Variants in STK32C observed in about 807,000 individuals in gnomAD.
The protein encoded by STK32C is serine/threonine-protein kinase 32C.
Under a neutral mutation model 56.5 loss-of-function variants are expected in STK32C, and 31 were observed. That is an observed-to-expected ratio of 0.55 (90% confidence interval 0.41 to 0.74). The LOEUF is 0.74. STK32C is among the 30% of genes least tolerant of loss of function. STK32C has a pLI of 0.00. For synonymous variants in STK32C, 309 were observed against 289.4 expected, an observed-to-expected ratio of 1.07 and a Z score of -0.69; for missense variants, 544 against 676.9, an observed-to-expected ratio of 0.80 and a Z score of 2.18.
intron 7 of STK32C, among the ~76,000 whole-genome samples, chr10:132,225,013 C>G (rs756241897): frequency 6.6e-6 from 1 of 152,248 alleles, no homozygotes; most frequent in Non-Finnish European, 1.5e-5. Flanking sequence ...CCTGCAGGCA[C>G]CAGCAGCGGC....
At chr10:132,277,392 A>G (rs189353582) in intron 1 of STK32C, among the ~76,000 whole-genome samples, 73 of 152,310 alleles carry the variant, frequency 4.8e-4, no homozygotes, top group Admixed American at 2.9e-3. Context: ...CTGGGACCAC[A>G]CCAGGGCCCT....
chr10:132,230,596 C>T (rs1411102381), intron 2 of STK32C, among the ~76,000 whole-genome samples: 1 of 151,776 alleles, frequency 6.6e-6, no homozygotes, highest in South Asian at 2.1e-4. Flanking sequence ...GTGGAAAATC[C>T]GGCCCTCACC....
chr10:132,262,758 A>C (rs966959820), intron 1 of STK32C, among the ~76,000 whole-genome samples: 57 of 151,590 alleles, frequency 3.8e-4, no homozygotes, highest in African/African-American at 1.3e-3. Flanking sequence ...CATCTCAAAA[A>C]AAAAAAAAAA....
intron 1 of STK32C, among the ~76,000 whole-genome samples, chr10:132,290,393 T>G (rs543067317): frequency 6.6e-6 from 1 of 152,334 alleles, no homozygotes; most frequent in South Asian, 2.1e-4. Flanking sequence ...AGAGCGAACA[T>G]AACCCGGCCC....
rs1352810134 is a variant in STK32C, at chr10:132,264,139, G to A, written c.263-18184C>T. Among the ~76,000 whole-genome samples the A allele has an allele frequency of 5.3e-5, 8 of 152,302 alleles. No homozygotes were observed. In the South Asian group the frequency reaches 1.7e-3, roughly 32 times the overall value. On this transcript the variant is annotated intron_variant, in intron 1 of 11. Coordinates refer to ENST00000298630, the MANE Select transcript of STK32C (RefSeq NM_173575.4). ...GAGTCTCCCTTAGGGCTGGTGAGGC[G>A]CCTGCAGTTAGATAGAGGTGGTGTG...
intron 1 of STK32C, among the ~76,000 whole-genome samples, chr10:132,283,109 C>T (rs1007912558): frequency 6.6e-6 from 1 of 152,242 alleles, no homozygotes; most frequent in South Asian, 2.1e-4. Flanking sequence ...CAGGGAGAGG[C>T]GTGTGCACCT....
intron 1 of STK32C, among the ~76,000 whole-genome samples, chr10:132,273,566 A>G (rs2064898668): frequency 1.3e-5 from 2 of 148,670 alleles, no homozygotes; most frequent in Non-Finnish European, 1.5e-5. Context: ...GCGAATGAAC[A>G]CATGGTGAGT....
chr10:132,266,091 G>A (rs1407194600), intron 1 of STK32C, among the ~76,000 whole-genome samples: 2 of 152,150 alleles, frequency 1.3e-5, no homozygotes, highest in Non-Finnish European at 2.9e-5. Context: ...TCCATCAAGA[G>A]GATAATGAAT....
intron 1 of STK32C, among the ~76,000 whole-genome samples, chr10:132,317,000 CAAAAA>C (rs71472739): frequency 2.4e-5 from 2 of 81,740 alleles, no homozygotes; most frequent in Non-Finnish European, 4.6e-5. Context: ...GACTCCATCT[CAAAAA>C]AAAAAAAAAA....
rs986709312 is a variant in STK32C at position 132,280,672 on chromosome 10, G to A, written c.262+26900C>T. On this transcript the variant is annotated intron_variant, in intron 1 of 11. Transcript: ENST00000298630. ...CTCCATGATCACCACACTCCACTCC[G>A]TGATCACGCACCTCCACTCCGTGAT... is the stretch of plus-strand genomic sequence containing the variant. Among the ~76,000 whole-genome samples the A allele has an allele frequency of 2.1e-3, 289 of 140,508 alleles. 2 individuals are homozygous for A. Among genetic ancestry groups the A allele is most frequent in the Non-Finnish European group, 3.7e-3 (245 of 65,646 alleles). The allele number at this position is 140,508 out of a possible 152,430, so 92.2% of individuals were successfully genotyped here.
At chr10:132,304,912 G>C (rs935702719) in intron 1 of STK32C, among the ~76,000 whole-genome samples, 6 of 152,326 alleles carry the variant, frequency 3.9e-5, no homozygotes, top group Admixed American at 3.3e-4. Flanking sequence ...CTAATGCCAC[G>C]TCAGGCTGGA....
chr10:132,220,369 C>T (rs2062598626), intron 10 of STK32C, among the ~76,000 whole-genome samples: 1 of 152,258 alleles, frequency 6.6e-6, no homozygotes, highest in Admixed American at 6.5e-5. Flanking sequence ...GCTTTGCTGA[C>T]ATCTTAACTT....
intron 1 of STK32C, among the ~76,000 whole-genome samples, chr10:132,263,968 G>A (rs2064402746): frequency 6.6e-6 from 1 of 152,154 alleles, no homozygotes; most frequent in Admixed American, 6.5e-5. Context: ...ATAGCGCCAG[G>A]TGAAGGCAGC....
intron 1 of STK32C, among the ~76,000 whole-genome samples, chr10:132,266,518 G>A (rs903072127): frequency 4.6e-5 from 7 of 152,178 alleles, no homozygotes; most frequent in African/African-American, 1.4e-4. Flanking sequence ...ATTCTGTAGT[G>A]GAAGCGTTTT....
intron 2 of STK32C, among the ~76,000 whole-genome samples, chr10:132,235,445 G>A (rs1412920020): frequency 5.7e-5 from 4 of 70,330 alleles, no homozygotes; most frequent in African/African-American, 9.5e-5. Flanking sequence ...GCAGTGAGCC[G>A]AGATTGCACC....
chr10:132,210,765 T>C (rs1209110813), intron 10 of STK32C, among the ~76,000 whole-genome samples: 1 of 152,146 alleles, frequency 6.6e-6, no homozygotes, highest in East Asian at 1.9e-4. Context: ...GCTCAACACA[T>C]TTCTTGGGTT....
intron 2 of STK32C, among the ~76,000 whole-genome samples, chr10:132,234,105 G>A (rs142936164): frequency 3.7e-4 from 56 of 152,282 alleles, no homozygotes; most frequent in African/African-American, 1.2e-3. Context: ...CTGTGGCCTC[G>A]TGGACTCTCC....
In STK32C at chr10:132,307,634, C is replaced by T. The variant is rs200198276; in HGVS notation, c.200G>A (p.Arg67Lys). The T allele has an allele frequency of 1.9e-6, 3 of 1,555,658 alleles. No homozygotes were observed. The highest frequency in any genetic ancestry group is 2.6e-6 in the Non-Finnish European group (3 of 1,154,522). The change falls in exon 1 of 12, where the codon AGG (arginine) becomes AAG (lysine). Residue 67 changes from arginine (R) to lysine (K), a missense_variant. Coordinates refer to ENST00000298630, the MANE Select transcript of STK32C (RefSeq NM_173575.4). This position sits in a 1 kb window ranked among gnomAD's most constrained non-coding sequence, Gnocchi z 4.4. ...GGCCGCCGACATGGACGAGCCCATC[C>T]TCTTCTTCCACTTGCTCCACTGAAA... ...PLFQWSKWKK[R>K]MGSSMSAATA...
At chr10:132,292,092 C>T (rs2065583520) in intron 1 of STK32C, among the ~76,000 whole-genome samples, 1 of 152,184 alleles carries the variant, frequency 6.6e-6, no homozygotes, top group South Asian at 2.1e-4. Flanking sequence ...TGGCCTCAGA[C>T]CCCAGTCAGC....
Sources: allele counts gnomAD v4.1 joint callset (sites outside exome capture counted in the v4.1 genomes callset), GRCh38; gene constraint gnomAD v4.1.1; non-coding constraint Gnocchi (gnomAD v3.1); transcripts MANE v1.5; gene names NCBI Gene and HGNC (gene_info 2026-07-23, HGNC 2026-07-21).